Variants in GPHN observed in about 807,000 individuals in gnomAD.
GPHN encodes the protein gephyrin.
In GPHN, 17 loss-of-function variants were observed where a neutral mutation model predicts 95.5. The observed-to-expected ratio is 0.18, with a 90% CI of 0.12 to 0.27. GPHN has a LOEUF of 0.27. Ranked by LOEUF, GPHN falls within the 10% of genes least tolerant of loss-of-function variation. The probability of loss-of-function intolerance (pLI) is 1.00; values close to 1 mark genes in which losing one functional copy is unlikely to be tolerated. For synonymous variants in GPHN, 320 were observed against 322.5 expected (o/e 0.99, Z 0.08); for missense variants, 660 against 978.1 (o/e 0.67, Z 4.34).
chr14:67,456,674 T>A, the GPHN span, among the ~76,000 whole-genome samples: 2,925 of 152,154 alleles, frequency 0.019, 31 homozygotes, highest in Middle Eastern at 0.048. Flanking sequence ...TACACATTGC[T>A]GATGGAAATG....
chr14:67,404,331 A>C, the GPHN span, among the ~76,000 whole-genome samples: 1 of 152,068 alleles, frequency 6.6e-6, no homozygotes, highest in Non-Finnish European at 1.5e-5. Flanking sequence ...ACTTCATATG[A>C]TACCTAAAAA....
At chr14:67,327,939 A>T in the GPHN span, among the ~76,000 whole-genome samples, 1 of 152,216 alleles carries the variant, frequency 6.6e-6, no homozygotes, top group African/African-American at 2.4e-5. Context: ...GCTGCAGTCA[A>T]TGTACGTGTG....
chr14:66,976,806 T>G (rs2070259713), intron 9 of GPHN, among the ~76,000 whole-genome samples: 1 of 151,344 alleles, frequency 6.6e-6, no homozygotes, highest in Non-Finnish European at 1.5e-5. Flanking sequence ...TATACAGGGT[T>G]GACAACCTCA....
chr14:67,207,670 C>T, the GPHN span, among the ~76,000 whole-genome samples: 3 of 151,914 alleles, frequency 2.0e-5, no homozygotes, highest in South Asian at 6.3e-4. Context: ...TGATTCTGAG[C>T]GAATCAGAGA....
At chr14:67,625,680 CAAAAAAA>C in the GPHN span, among the ~76,000 whole-genome samples, 1 of 32,128 alleles carries the variant, frequency 3.1e-5, no homozygotes, top group African/African-American at 1.0e-4. Context: ...AACTCCATCT[CAAAAAAA>C]AAAAAAAAAA....
At chr14:67,566,800 A>G in the GPHN span, among the ~76,000 whole-genome samples, 4 of 151,024 alleles carry the variant, frequency 2.6e-5, no homozygotes, top group South Asian at 8.4e-4. Context: ...GGTTAAGTGT[A>G]TGTGTGTGAG....
chr14:67,087,037 C>CAAAAAAA (rs60067524), intron 11 of GPHN, among the ~76,000 whole-genome samples: 1 of 77,244 alleles, frequency 1.3e-5, no homozygotes, highest in African/African-American at 3.9e-5. Flanking sequence ...GACTCTGTCT[C>CAAAAAAA]AAAAAAAAAA....
the GPHN span, among the ~76,000 whole-genome samples, chr14:67,341,875 A>G: frequency 1.3e-5 from 2 of 152,190 alleles, no homozygotes; most frequent in Admixed American, 1.3e-4. Flanking sequence ...CTGTTGATCT[A>G]TGACCTTACC....
At chr14:66,590,605 A>G (rs2061599225) in intron 1 of GPHN, among the ~76,000 whole-genome samples, 1 of 152,190 alleles carries the variant, frequency 6.6e-6, no homozygotes, top group African/African-American at 2.4e-5. Context: ...CTAAACCTGG[A>G]AGAAGTTGAA....
intron 9 of GPHN, among the ~76,000 whole-genome samples, chr14:66,993,341 T>C (rs532882531): frequency 6.6e-6 from 1 of 152,300 alleles, no homozygotes; most frequent in South Asian, 2.1e-4. Context: ...TCTCTTTTAT[T>C]GGAGGCTCAT....
At chr14:67,004,481 TC>T (rs1271514597) in intron 9 of GPHN, among the ~76,000 whole-genome samples, 1 of 151,770 alleles carries the variant, frequency 6.6e-6, no homozygotes, top group Non-Finnish European at 1.5e-5. Flanking sequence ...TGAAATATTG[TC>T]CATTTTTTAA....
chr14:66,921,983 G>C (rs1210276173), intron 6 of GPHN, among the ~76,000 whole-genome samples: 2 of 152,050 alleles, frequency 1.3e-5, no homozygotes, highest in Non-Finnish European at 1.5e-5. Flanking sequence ...TTCAACAAAG[G>C]GCGCTGGGAT....
At chr14:67,520,996 A>T in the GPHN span, among the ~76,000 whole-genome samples, 1 of 152,190 alleles carries the variant, frequency 6.6e-6, no homozygotes, top group Admixed American at 6.5e-5. Flanking sequence ...CATTTGGGCC[A>T]TTATAATTGG....
At chr14:67,559,840 A>G in the GPHN span, 1 of 621,972 alleles carries the variant, frequency 1.6e-6, no homozygotes, top group Admixed American at 2.5e-5. Flanking sequence ...CCATGCTGAG[A>G]CACCGTAGTT....
chr14:67,434,213 CAAT>C, the GPHN span, among the ~76,000 whole-genome samples: 11 of 152,192 alleles, frequency 7.2e-5, no homozygotes, highest in African/African-American at 2.4e-4. Context: ...CTTGAATTTG[CAAT>C]TTCAGTGAAT....
chr14:66,540,112 T>C (rs1380863868), intron 1 of GPHN, among the ~76,000 whole-genome samples: 1 of 152,254 alleles, frequency 6.6e-6, no homozygotes, highest in Admixed American at 6.5e-5. Flanking sequence ...TTATTTTTGC[T>C]CTTGCTTCAT....
At chr14:66,629,243 A>AATATGTATATAAATATATATTT (rs2063689247) in intron 1 of GPHN, among the ~76,000 whole-genome samples, 2 of 146,870 alleles carry the variant, frequency 1.4e-5, no homozygotes, top group African/African-American at 5.0e-5. Context: ...ATAAATATAA[A>AATATGTATATAAATATATATTT]ACACACGTGT....
the GPHN span, chr14:67,581,097 C>G: frequency 9.5e-7 from 1 of 1,048,728 alleles, no homozygotes; most frequent in Non-Finnish European, 1.5e-6. Flanking sequence ...GGTGCCAGCT[C>G]ATCGCCTCCT....
chr14:67,256,728 G>T, the GPHN span, among the ~76,000 whole-genome samples: 1 of 151,478 alleles, frequency 6.6e-6, no homozygotes, highest in Non-Finnish European at 1.5e-5. Flanking sequence ...TTGTATTTTA[G>T]TAGAGACAGG....
Sources: allele counts gnomAD v4.1 joint callset (sites outside exome capture counted in the v4.1 genomes callset), GRCh38; gene constraint gnomAD v4.1.1; transcripts MANE v1.5; gene names NCBI Gene and HGNC (gene_info 2026-07-23, HGNC 2026-07-21).